JAKMIP3: variants seen among roughly 807,000 people sequenced by gnomAD.
The protein encoded by JAKMIP3 is Janus kinase and microtubule interacting protein 3.
A neutral mutation model predicts 118.5 loss-of-function variants in JAKMIP3; 58 were observed. That is an observed-to-expected ratio of 0.49 (90% CI 0.40 to 0.61). The LOEUF is 0.61. Ranked by LOEUF, JAKMIP3 falls within the 20% of genes least tolerant of loss-of-function variation. JAKMIP3 has a pLI of 0.00. For missense variants in JAKMIP3, 950 were observed against 1,109.0 expected (o/e 0.86, Z 2.04); for synonymous variants, 486 against 451.2 (o/e 1.08, Z -0.98).
At chr10:132,149,122 G>A (rs1299753096) in intron 14 of JAKMIP3, among the ~76,000 whole-genome samples, 2 of 152,112 alleles carry the variant, frequency 1.3e-5, no homozygotes, top group African/African-American at 2.4e-5. Context: ...ATTCACTGAG[G>A]GATGTGCCCG....
intron 1 of JAKMIP3, among the ~76,000 whole-genome samples, chr10:132,096,927 G>A (rs2043950006): frequency 6.6e-6 from 1 of 152,162 alleles, no homozygotes; most frequent in African/African-American, 2.4e-5. Context: ...CCATCCCCAA[G>A]AAGAGCCTGC....
At chr10:132,046,831 CT>C (rs1341249652) in intron 1 of JAKMIP3, among the ~76,000 whole-genome samples, 2 of 152,166 alleles carry the variant, frequency 1.3e-5, no homozygotes, top group Non-Finnish European at 1.5e-5. Context: ...GAACTTGCCG[CT>C]TGGGAACACT....
At chr10:132,174,526 G>A (rs555418690) in intron 23 of JAKMIP3, among the ~76,000 whole-genome samples, 1 of 152,258 alleles carries the variant, frequency 6.6e-6, no homozygotes, top group Admixed American at 6.5e-5. Flanking sequence ...GCTTGTTGAA[G>A]GACGTCAGGG....
At chr10:132,131,620 G>A (rs1315234101) in intron 3 of JAKMIP3, among the ~76,000 whole-genome samples, 1 of 152,038 alleles carries the variant, frequency 6.6e-6, no homozygotes, top group Non-Finnish European at 1.5e-5. Flanking sequence ...AGCTTGGGTA[G>A]GCACAGGAGA....
chr10:132,042,660 G>C (rs2037797860), intron 1 of JAKMIP3, among the ~76,000 whole-genome samples: 1 of 152,192 alleles, frequency 6.6e-6, no homozygotes, highest in Non-Finnish European at 1.5e-5. Context: ...TCCTCTGATA[G>C]CCAGGCCATA....
chr10:132,046,413 G>T (rs907606441), intron 1 of JAKMIP3, among the ~76,000 whole-genome samples: 4 of 150,422 alleles, frequency 2.7e-5, no homozygotes, highest in African/African-American at 9.8e-5. Flanking sequence ...CCGAGATCGC[G>T]CCACTGCACT....
chr10:132,060,079 A>G (rs138561909), upstream of JAKMIP3, among the ~76,000 whole-genome samples: 4 of 152,344 alleles, frequency 2.6e-5, no homozygotes, highest in East Asian at 7.7e-4. Context: ...AGACCCTGGC[A>G]TAGAGCTTGG....
chr10:132,158,295 TAGAG>T (rs1447999694), intron 19 of JAKMIP3, among the ~76,000 whole-genome samples: 1 of 152,146 alleles, frequency 6.6e-6, no homozygotes, highest in Non-Finnish European at 1.5e-5. Context: ...GATCTGAGCA[TAGAG>T]AGCTCCAGGA....
intron 4 of JAKMIP3, 148 bp downstream of exon 4, chr10:132,133,675 C>G (rs947686644): frequency 9.9e-6 from 7 of 704,246 alleles, no homozygotes; most frequent in Non-Finnish European, 1.7e-5. Context: ...CCCACCCAGC[C>G]TGGCCCTAGG....
chr10:132,140,346 G>C lies in JAKMIP3; in HGVS notation c.1345-105G>C, dbSNP rs1232546881. ...GGGACAGAGATGGGAGTGTGTCGCAGGGTGGGGCTGCGGCCCCCACCGTTG... is the reference window on the plus strand; with the variant it reads ...GGGACAGAGATGGGAGTGTGTCGCACGGTGGGGCTGCGGCCCCCACCGTTG... On this transcript the variant is annotated intron_variant, in intron 9 of 23. Transcript: ENST00000684848. The C allele has an allele frequency of 6.0e-6, 9 of 1,493,440 alleles. No homozygotes were observed. In the East Asian group the frequency reaches 1.8e-4, roughly 31 times the overall value. The allele number at this position is 1,493,440 out of a possible 1,614,324, so 92.5% of individuals were successfully genotyped here.
intron 1 of JAKMIP3, among the ~76,000 whole-genome samples, chr10:132,053,633 T>C (rs1311721404): frequency 2.6e-5 from 4 of 152,208 alleles, no homozygotes; most frequent in African/African-American, 7.2e-5. Flanking sequence ...TAACTCTAGT[T>C]CTGACCTCAC....
chr10:132,097,439 G>A (rs1263497175), intron 1 of JAKMIP3, among the ~76,000 whole-genome samples: 4 of 152,046 alleles, frequency 2.6e-5, no homozygotes, highest in Non-Finnish European at 5.9e-5. Context: ...AGCATCACAC[G>A]GACTCTCGGG....
At chr10:132,041,525 C>T (rs550014015) in intron 1 of JAKMIP3, among the ~76,000 whole-genome samples, 41 of 152,370 alleles carry the variant, frequency 2.7e-4, no homozygotes, top group Middle Eastern at 3.4e-3. Flanking sequence ...CGTGTCCCCA[C>T]GCCCTAGGAG....
rs1554963343 is a variant in JAKMIP3, at chr10:132,180,732, T to TGTGC, written c.*1104-1622_*1104-1621insCGTG. On this transcript the variant is annotated intron_variant, in intron 23 of 23. Coordinates refer to ENST00000684848, the MANE Select transcript of JAKMIP3 (RefSeq NM_001323087.2). The stretch of plus-strand genomic sequence containing the variant: ...GCGCGTGTGTGTGCGTGTGTGTGCG[T>TGTGC]GTGTGCGTGCGTGCGCGCGCGTGTG... Among the ~76,000 whole-genome samples, 27 of 12,328 alleles carry TGTGC rather than the reference T, an allele frequency of 2.2e-3. 9 individuals are homozygous for TGTGC. Among genetic ancestry groups the TGTGC allele is most frequent in the Admixed American group, 4.7e-3 (4 of 854 alleles). 8.1% of individuals were successfully genotyped at this position (12,328 alleles called of 152,430 possible).
At position 132,111,661 on chromosome 10, in the gene JAKMIP3, G is replaced by A. The variant is rs2046898990; in HGVS notation, c.136-5416G>A. The stretch of plus-strand genomic sequence containing the variant: ...GAAAGCCGGCCTCCCTGGACCGCTG[G>A]GCATCCCACCATGGCGAGGCAAGGA... On this transcript the variant is annotated intron_variant, in intron 2 of 23. Transcript: ENST00000684848. Among the ~76,000 whole-genome samples, 2 of 152,136 alleles carry A rather than the reference G, an allele frequency of 1.3e-5. 1 individual carries two copies. The highest frequency in any genetic ancestry group is 4.8e-5 in the African/African-American group (2 of 41,414).
rs560432144 is a variant in JAKMIP3 at position 132,104,758 on chromosome 10, C to G, written c.-51C>G. On this transcript the variant is annotated 5_prime_UTR_variant, in exon 2 of 24. Coordinates refer to ENST00000684848, the MANE Select transcript of JAKMIP3 (RefSeq NM_001323087.2). ...ACACCCCAGCCACCCCCAGCCCAGCCCAGCCGGAGCACCCTACCCCTGGGC... is the reference window on the plus strand; with the variant it reads ...ACACCCCAGCCACCCCCAGCCCAGCGCAGCCGGAGCACCCTACCCCTGGGC... 2 of 1,536,052 alleles carry G rather than the reference C, an allele frequency of 1.3e-6. No homozygotes were observed. Among genetic ancestry groups the G allele is most frequent in the Non-Finnish European group, 8.8e-7 (1 of 1,137,144 alleles).
chr10:132,068,561 A>C (rs2039306489), intron 1 of JAKMIP3, among the ~76,000 whole-genome samples: 1 of 152,206 alleles, frequency 6.6e-6, no homozygotes, highest in Non-Finnish European at 1.5e-5. Flanking sequence ...TGGCACCCCA[A>C]GCTGGGCTTT....
In JAKMIP3 at chr10:132,163,344, A is replaced by T; in HGVS notation, c.2356A>T (p.Ser786Cys). Residue 786 changes from serine (S) to cysteine (C), a missense_variant, in exon 20 of 24, where the codon AGT becomes TGT. Physicochemically the swap from Ser to Cys is moderately radical, Grantham distance 112. Transcript: ENST00000684848. ...AVEQWKRQVM[S>C]ELRERDAQIL... ...GGAGCAGTGGAAGCGCCAGGTCATG[A>T]GTGAGCTGCGCGAGCGGGACGCCCA... 6.2e-7 allele frequency: 1 copy of T among 1,609,836 alleles called. No homozygotes were observed. The highest frequency in any genetic ancestry group is 8.5e-7 in the Non-Finnish European group (1 of 1,179,464).
upstream of JAKMIP3, among the ~76,000 whole-genome samples, chr10:132,064,284 A>G (rs1318487460): frequency 1.8e-4 from 28 of 152,236 alleles, 1 homozygote. The surrounding 1 kb of genome is among the most constrained non-coding windows in gnomAD (Gnocchi z 4.4). Flanking sequence ...GACTAAAGTC[A>G]AATCTGTGCA....
Sources: allele counts gnomAD v4.1 joint callset (sites outside exome capture counted in the v4.1 genomes callset), GRCh38; gene constraint gnomAD v4.1.1; non-coding constraint Gnocchi (gnomAD v3.1); transcripts MANE v1.5; gene names NCBI Gene and HGNC (gene_info 2026-07-23, HGNC 2026-07-21).